The following POLR2B variants were observed in gnomAD, a reference collection of about 807,000 sequenced individuals.
POLR2B encodes the protein RNA polymerase II subunit B.
POLR2B carries 57 observed loss-of-function variants against 144.6 expected under a neutral mutation model. The ratio of observed to expected loss-of-function variants is 0.39; its 90% CI spans 0.32 to 0.49. The LOEUF is 0.49. Ranked by LOEUF, POLR2B falls within the 20% of genes least tolerant of loss-of-function variation. POLR2B has a pLI of 0.83. For synonymous variants in POLR2B, 442 were observed against 469.8 expected (o/e 0.94, Z 0.77); for missense variants, 595 against 1,467.4 (o/e 0.41, Z 9.71).
intron 16 of POLR2B, among the ~76,000 whole-genome samples, chr4:57,020,100 C>T (rs1226603552): frequency 6.6e-6 from 1 of 152,154 alleles, no homozygotes; most frequent in African/African-American, 2.4e-5. Flanking sequence ...GTGGCACGAT[C>T]TTGGTTCGCT....
chr4:57,026,611 G>A (rs1041136528), intron 23 of POLR2B, among the ~76,000 whole-genome samples: 1 of 151,564 alleles, frequency 6.6e-6, no homozygotes, highest in Non-Finnish European at 1.5e-5. Context: ...TAAATAACAT[G>A]TTTTGGCTGG....
chr4:57,012,341 G>C (rs1467050805), intron 13 of POLR2B, among the ~76,000 whole-genome samples: 1 of 151,952 alleles, frequency 6.6e-6, no homozygotes, highest in African/African-American at 2.4e-5. Context: ...GGAGGCAGAG[G>C]TTGCAATGAG....
At chr4:57,027,604 C>A (rs73242632) in intron 23 of POLR2B, among the ~76,000 whole-genome samples, 11,441 of 152,272 alleles carry the variant, frequency 0.075, 494 homozygotes, top group African/African-American at 0.089. Flanking sequence ...AGCCAAGGCG[C>A]CTGGCCTGTG....
intron 23 of POLR2B, among the ~76,000 whole-genome samples, chr4:57,029,455 C>T (rs1322399118): frequency 6.6e-6 from 1 of 152,112 alleles, no homozygotes; most frequent in Non-Finnish European, 1.5e-5. Flanking sequence ...GGTCCAAAGT[C>T]GACCAATGAT....
intron 7 of POLR2B, among the ~76,000 whole-genome samples, chr4:57,001,350 G>A (rs1215517838): frequency 6.6e-6 from 1 of 152,110 alleles, no homozygotes; most frequent in Non-Finnish European, 1.5e-5. Flanking sequence ...GTAGAGACAG[G>A]GTTTCACTGT....
rs1488404814 is a variant in POLR2B at position 56,996,278 on chromosome 4, A to ATATTTTTT, written c.735+870_735+871insATTTTTTT. Among the ~76,000 whole-genome samples the ATATTTTTT allele has an allele frequency of 2.0e-4, 12 of 59,742 alleles. No individual in the cohort carries two copies. The South Asian group carries it at 2.4e-3, about 12-fold the overall frequency. 39.2% of individuals were successfully genotyped at this position (59,742 alleles called of 152,430 possible). ...TGTGTGTGTGTATATATATATATAT[A>ATATTTTTT]TTTTTTTTTTTTTTTTTTTTTGAGA... On this transcript the variant is annotated intron_variant, in intron 6 of 24. Coordinates refer to ENST00000314595, the MANE Select transcript of POLR2B (RefSeq NM_000938.3).
In POLR2B at chr4:57,030,487, A is replaced by C; in HGVS notation, c.3435+88A>C. 6.6e-6 allele frequency: 6 copies of C among 908,694 alleles called. No homozygotes were observed. In the South Asian group the frequency reaches 1.1e-4, roughly 17 times the overall value. The allele number at this position is 908,694 out of a possible 1,614,324, so 56.3% of individuals were successfully genotyped here. A position where few individuals can be genotyped will look rare whatever the true frequency, so the allele number is the denominator to read the frequency against. Reference sequence around the variant, plus strand: ...CCAGGCAGAATTAGTGTGGCAGAACAGATTGGCATTTTCACAATTTTGATA... The same window carrying C: ...CCAGGCAGAATTAGTGTGGCAGAACCGATTGGCATTTTCACAATTTTGATA... On this transcript the variant is annotated intron_variant, in intron 24 of 24. Coordinates refer to ENST00000314595, the MANE Select transcript of POLR2B (RefSeq NM_000938.3).
In POLR2B at chr4:57,030,359, C is replaced by T; in HGVS notation, c.3395C>T (p.Thr1132Ile). ...ATAATGGCGATTGCCAACACCAGGA[C>T]CCATACATATGAATGCAGGGGCTGC... Reference protein sequence around the residue: ...CGIMAIANTRTHTYECRGCRN... With the variant: ...CGIMAIANTRIHTYECRGCRN... Residue 1132 changes from threonine to isoleucine, a missense_variant, in exon 24 of 25, where the codon ACC (threonine) becomes ATC (isoleucine). Around this residue, in one of 9 missense-constraint regions of POLR2B, gnomAD observed 45 missense variants for 80.9 expected, o/e 0.56. Transcript: ENST00000314595. 1.2e-6 allele frequency: 2 copies of T among 1,613,892 alleles called. No individual in the cohort carries two copies. The highest frequency in any genetic ancestry group is 1.1e-5 in the South Asian group (1 of 91,072).
intron 2 of POLR2B, among the ~76,000 whole-genome samples, chr4:56,988,548 G>C (rs1371649760): frequency 3.3e-5 from 5 of 152,006 alleles, no homozygotes; most frequent in African/African-American, 7.3e-5. Flanking sequence ...CAAAAAGTCA[G>C]CTTTTCATTG....
At chr4:57,012,030 AATGTGAT>A (rs1723202058) in intron 13 of POLR2B, among the ~76,000 whole-genome samples, 1 of 152,186 alleles carries the variant, frequency 6.6e-6, no homozygotes, top group Non-Finnish European at 1.5e-5. Context: ...TCATTAATAA[AATGTGAT>A]ATACCACTAA....
At chr4:57,013,602 A>G (rs927804290) in intron 13 of POLR2B, among the ~76,000 whole-genome samples, 1 of 151,462 alleles carries the variant, frequency 6.6e-6, no homozygotes, top group Non-Finnish European at 1.5e-5. Flanking sequence ...CAGTGGCACA[A>G]TCATGGTTCA....
chr4:57,003,624 G>A (rs1343555608), intron 7 of POLR2B, among the ~76,000 whole-genome samples: 1 of 152,012 alleles, frequency 6.6e-6, no homozygotes, highest in Admixed American at 6.6e-5. Context: ...AGGCCTACAT[G>A]GGTAGATCGT....
At position 57,023,122 on chromosome 4, in the gene POLR2B, A is replaced by G. The variant is rs7440152; in HGVS notation, c.2516-208A>G. ...ATCTGCTTTCCCAGTGCTGATTCCA[A>G]TGTTCTTTTCCTTCATAGACTTTTT... On this transcript the variant is annotated intron_variant, in intron 18 of 24. Coordinates refer to ENST00000314595, the MANE Select transcript of POLR2B (RefSeq NM_000938.3). This position sits in a 1 kb window ranked among gnomAD's most constrained non-coding sequence, Gnocchi z 4.3. 38,794 of 511,428 alleles carry G rather than the reference A, an allele frequency of 0.076. 1,936 individuals are homozygous for G. Among genetic ancestry groups the G allele is most frequent in the African/African-American group, 0.17 (8,716 of 51,474 alleles). The allele number at this position is 511,428 out of a possible 1,614,324, so 31.7% of individuals were successfully genotyped here.
intron 16 of POLR2B, among the ~76,000 whole-genome samples, chr4:57,018,887 T>C (rs1403233): frequency 0.37 from 55,845 of 151,758 alleles, 10,522 homozygotes; most frequent in South Asian, 0.47. Context: ...GTGGGTAAAA[T>C]GGTGAAGAGA....
chr4:57,031,023 C>G lies in POLR2B; in HGVS notation c.*35C>G. The G allele has an allele frequency of 8.2e-7, 1 of 1,215,394 alleles. No individual in the cohort carries two copies. The highest frequency in any genetic ancestry group is 1.2e-6 in the Non-Finnish European group (1 of 816,668). 75.3% of individuals were successfully genotyped at this position (1,215,394 alleles called of 1,614,324 possible). A position where few individuals can be genotyped will look rare whatever the true frequency, so the allele number is the denominator to read the frequency against. On this transcript the variant is annotated 3_prime_UTR_variant, in exon 25 of 25. Coordinates refer to ENST00000314595, the MANE Select transcript of POLR2B (RefSeq NM_000938.3). ...AGGAGTCAACAAGATAATTAAATAT[C>G]TTGGTGTCTTGTTTCTATTGTGTGG...
chr4:57,000,538 A>G (rs1456359069), intron 7 of POLR2B, among the ~76,000 whole-genome samples: 1 of 152,196 alleles, frequency 6.6e-6, no homozygotes, highest in African/African-American at 2.4e-5. Context: ...TTCTTTCTAT[A>G]TATAACACAT....
At chr4:57,018,208 C>G (rs1383589470) in intron 16 of POLR2B, among the ~76,000 whole-genome samples, 1 of 152,086 alleles carries the variant, frequency 6.6e-6, no homozygotes, top group East Asian at 1.9e-4. Context: ...ACCCATCCAA[C>G]CTTTTGGATC....
At chr4:56,984,093 G>A (rs1013682991) in intron 1 of POLR2B, among the ~76,000 whole-genome samples, 13 of 148,788 alleles carry the variant, frequency 8.7e-5, no homozygotes, top group African/African-American at 3.2e-4. Context: ...TCGAACTCCT[G>A]GTCTCAAGTG....
intron 13 of POLR2B, among the ~76,000 whole-genome samples, chr4:57,013,189 C>G (rs1190852964): frequency 6.6e-6 from 1 of 152,136 alleles, no homozygotes; most frequent in Non-Finnish European, 1.5e-5. Flanking sequence ...GTTGGCCAGG[C>G]TGGTCTTGAA....
Sources: gnomAD v4.1 joint callset for allele counts (sites outside exome capture counted in the v4.1 genomes callset) on GRCh38, gnomAD v4.1.1 for gene constraint, gnomAD v4.1.1 regional missense constraint, Gnocchi (gnomAD v3.1) non-coding constraint, MANE v1.5 for transcripts, NCBI Gene and HGNC (gene_info 2026-07-23, HGNC 2026-07-21) for gene names.